OCA2: variants seen among roughly 807,000 people sequenced by gnomAD.
OCA2 encodes the protein P protein.
OCA2 carries 77 observed loss-of-function variants against 100.2 expected under a neutral mutation model. That is an observed-to-expected ratio of 0.77 (90% CI 0.64 to 0.93). The LOEUF is 0.93. Among genes scored for constraint, OCA2 ranks in the 40% least tolerant of loss-of-function variants. The pLI is 0.00. For synonymous variants in OCA2, 432 were observed against 439.2 expected, an observed-to-expected ratio of 0.98 and a Z score of 0.21; for missense variants, 1,062 against 1,089.1, an observed-to-expected ratio of 0.98 and a Z score of 0.35.
At chr15:28,027,125 T>C (rs957192365) in intron 4 of OCA2, among the ~76,000 whole-genome samples, 2 of 152,206 alleles carry the variant, frequency 1.3e-5, no homozygotes, top group African/African-American at 4.8e-5. Context: ...AACGGGCGCA[T>C]GGGAGGAAAC....
chr15:27,781,417 A>T (rs1442849770), intron 23 of OCA2, among the ~76,000 whole-genome samples: 1 of 152,178 alleles, frequency 6.6e-6, no homozygotes, highest in Non-Finnish European at 1.5e-5. Flanking sequence ...AAACCATCCC[A>T]GCACCACACA....
At chr15:27,977,988 G>C (rs139218747) in intron 14 of OCA2, among the ~76,000 whole-genome samples, 2 of 152,264 alleles carry the variant, frequency 1.3e-5, no homozygotes, top group African/African-American at 4.8e-5. Flanking sequence ...TATGGTATTT[G>C]GTTATCGCAT....
At chr15:27,923,927 C>A (rs1243524187) in intron 19 of OCA2, among the ~76,000 whole-genome samples, 1 of 152,146 alleles carries the variant, frequency 6.6e-6, no homozygotes, top group African/African-American at 2.4e-5. Flanking sequence ...GTCATAAAAT[C>A]TTTTCCCGTG....
intron 2 of OCA2, among the ~76,000 whole-genome samples, chr15:28,067,079 TC>T (rs1158112618): frequency 9.9e-5 from 15 of 152,220 alleles, no homozygotes; most frequent in Non-Finnish European, 2.1e-4. Flanking sequence ...ACCTCGGACC[TC>T]CTGGGGTTGT....
chr15:27,752,275 G>T (rs553871551), downstream of OCA2, among the ~76,000 whole-genome samples: 1 of 152,306 alleles, frequency 6.6e-6, no homozygotes, highest in South Asian at 2.1e-4. Context: ...GCAAACTCTA[G>T]CAAGGACAAC....
chr15:27,942,724 T>C (rs2039694296), intron 18 of OCA2, among the ~76,000 whole-genome samples: 1 of 152,260 alleles, frequency 6.6e-6, no homozygotes, highest in South Asian at 2.1e-4. Flanking sequence ...CATGATTTCA[T>C]TTCTTCAGTG....
chr15:27,810,844 T>C (rs1015125811), intron 23 of OCA2, among the ~76,000 whole-genome samples: 12 of 152,078 alleles, frequency 7.9e-5, no homozygotes, highest in Admixed American at 4.6e-4. Context: ...CTTGCAAAAA[T>C]GGCCATTATC....
chr15:27,871,841 T>C, intron 20 of OCA2, 22 bp downstream of exon 20: 4 of 1,504,082 alleles, frequency 2.7e-6, no homozygotes, highest in Non-Finnish European at 3.7e-6. Flanking sequence ...TGGAGTGCCT[T>C]CTATTATAGC....
At chr15:27,773,815 A>C (rs2032029690) in intron 23 of OCA2, among the ~76,000 whole-genome samples, 1 of 152,198 alleles carries the variant, frequency 6.6e-6, no homozygotes, top group Non-Finnish European at 1.5e-5. Context: ...TTTGTCATTG[A>C]CTATTCAGGA....
chr15:27,962,614 A>C (rs1039474753), intron 15 of OCA2, among the ~76,000 whole-genome samples: 1 of 152,228 alleles, frequency 6.6e-6, no homozygotes, highest in African/African-American at 2.4e-5. Flanking sequence ...AATATCGCTC[A>C]AAGTTAGTGG....
At chr15:27,893,362 T>C (rs1351820865) in intron 19 of OCA2, among the ~76,000 whole-genome samples, 1 of 152,168 alleles carries the variant, frequency 6.6e-6, no homozygotes, top group Non-Finnish European at 1.5e-5. Context: ...TTGAACAATA[T>C]GAAATCAGGG....
intron 2 of OCA2, among the ~76,000 whole-genome samples, chr15:28,077,205 A>G (rs1390195555): frequency 6.6e-6 from 1 of 151,970 alleles, no homozygotes; most frequent in Non-Finnish European, 1.5e-5. Flanking sequence ...GATTATAGGC[A>G]TGTGCCACCA....
chr15:27,731,677 C>T, the OCA2 span, among the ~76,000 whole-genome samples: 2 of 152,138 alleles, frequency 1.3e-5, no homozygotes, highest in African/African-American at 4.8e-5. Flanking sequence ...TGGGGGTGTA[C>T]TTAAATTACC....
At chr15:27,886,838 C>G (rs1490059363) in intron 19 of OCA2, among the ~76,000 whole-genome samples, 1 of 152,146 alleles carries the variant, frequency 6.6e-6, no homozygotes, top group Admixed American at 6.5e-5. Flanking sequence ...AAGCAAGAGG[C>G]AACTAAAGGA....
At chr15:27,924,691 A>G (rs140625321) in intron 19 of OCA2, among the ~76,000 whole-genome samples, 344 of 152,324 alleles carry the variant, frequency 2.3e-3, no homozygotes, top group African/African-American at 7.8e-3. Flanking sequence ...AAATAGAAAC[A>G]AAGAAGAGAA....
intron 2 of OCA2, among the ~76,000 whole-genome samples, chr15:28,057,811 C>CA (rs145959162): frequency 6.6e-6 from 1 of 152,082 alleles, no homozygotes; most frequent in African/African-American, 2.4e-5. Context: ...ATCACAAAGA[C>CA]GGGTGGGATT....
At chr15:27,725,266 T>C in the OCA2 span, among the ~76,000 whole-genome samples, 1 of 152,210 alleles carries the variant, frequency 6.6e-6, no homozygotes, top group Non-Finnish European at 1.5e-5. Context: ...CTGCAGGACA[T>C]AGACTGTAGG....
At chr15:28,097,516 G>A (rs748829835) in intron 1 of OCA2, among the ~76,000 whole-genome samples, 3 of 152,108 alleles carry the variant, frequency 2.0e-5, no homozygotes, top group Non-Finnish European at 4.4e-5. Context: ...TCCCCTCTGT[G>A]GTAGCCTTTA....
the OCA2 span, among the ~76,000 whole-genome samples, chr15:27,730,370 G>C: frequency 6.6e-6 from 1 of 152,308 alleles, no homozygotes; most frequent in South Asian, 2.1e-4. Flanking sequence ...TGGGAAAGGA[G>C]GGTACACAGA....
Sources: gnomAD v4.1 joint callset for allele counts (sites outside exome capture counted in the v4.1 genomes callset) on GRCh38, gnomAD v4.1.1 for gene constraint, MANE v1.5 for transcripts, NCBI Gene and HGNC (gene_info 2026-07-23, HGNC 2026-07-21) for gene names.